Variants in SLC35F1 observed in about 807,000 individuals in gnomAD.
SLC35F1 encodes the protein chromosome 6 open reading frame 169.
A neutral mutation model predicts 48.7 loss-of-function variants in SLC35F1; 14 were observed. That is an observed-to-expected ratio of 0.29 (90% confidence interval 0.19 to 0.45). SLC35F1 has a LOEUF of 0.45. Among genes scored for constraint, SLC35F1 ranks in the 20% least tolerant of loss-of-function variants. The pLI is 1.00. For missense variants in SLC35F1, 404 were observed against 500.0 expected (o/e 0.81, Z 1.83); for synonymous variants, 190 against 202.2 (o/e 0.94, Z 0.51).
chr6:118,271,742 A>G (rs1356560661), intron 4 of SLC35F1, among the ~76,000 whole-genome samples: 1 of 152,224 alleles, frequency 6.6e-6, no homozygotes, highest in East Asian at 1.9e-4. Flanking sequence ...TTTGCAAAGC[A>G]ATTATGACTA....
intron 7 of SLC35F1, among the ~76,000 whole-genome samples, chr6:118,312,460 C>T (rs283050): frequency 0.59 from 89,621 of 151,970 alleles, 27,052 homozygotes; most frequent in African/African-American, 0.69. Flanking sequence ...GAGGCACATT[C>T]ATTTTCATTG....
intron 1 of SLC35F1, among the ~76,000 whole-genome samples, chr6:117,990,246 T>G (rs1010036395): frequency 3.3e-5 from 5 of 152,106 alleles, no homozygotes; most frequent in African/African-American, 1.2e-4. Context: ...AGCTTTAGAG[T>G]CACAGTTATT....
chr6:118,264,307 A>G (rs17079933), intron 3 of SLC35F1, among the ~76,000 whole-genome samples: 6,010 of 152,264 alleles, frequency 0.039, 411 homozygotes, highest in African/African-American at 0.14. Context: ...ATGTCTGACA[A>G]TTCATTGATT....
chr6:118,174,002 T>G (rs920426717), intron 2 of SLC35F1, among the ~76,000 whole-genome samples: 1 of 152,188 alleles, frequency 6.6e-6, no homozygotes, highest in Non-Finnish European at 1.5e-5. Context: ...AAGACAATGG[T>G]AAACTAAGTC....
At chr6:117,973,685 C>T (rs13211121) in intron 1 of SLC35F1, among the ~76,000 whole-genome samples, 52,084 of 151,952 alleles carry the variant, frequency 0.34, 9,104 homozygotes, top group Admixed American at 0.4. Context: ...CCTCAGCCTT[C>T]CCAGTACCTG....
intron 1 of SLC35F1, among the ~76,000 whole-genome samples, chr6:117,996,353 G>T (rs959556754): frequency 2.0e-5 from 3 of 152,194 alleles, no homozygotes; most frequent in Admixed American, 6.5e-5. Context: ...AACAGCTCCG[G>T]TCTACAGCTC....
chr6:118,185,071 G>A (rs886952177), intron 2 of SLC35F1, among the ~76,000 whole-genome samples: 1 of 152,114 alleles, frequency 6.6e-6, no homozygotes, highest in African/African-American at 2.4e-5. Context: ...TTTTTTTAAA[G>A]CTGCCAACAG....
chr6:118,072,105 GT>G (rs1410785135), intron 1 of SLC35F1, among the ~76,000 whole-genome samples: 1 of 152,110 alleles, frequency 6.6e-6, no homozygotes, highest in African/African-American at 2.4e-5. Context: ...CATTTTACAT[GT>G]TTTTATCTTT....
In SLC35F1 at chr6:118,198,839, C is replaced by CTTA. The variant is rs534635544; in HGVS notation, c.350-36669_350-36667dup. Among the ~76,000 whole-genome samples, 334 of 152,318 alleles carry CTTA rather than the reference C, an allele frequency of 2.2e-3. 1 individual carries two copies. The highest frequency in any genetic ancestry group is 7.6e-3 in the African/African-American group (317 of 41,570). On this transcript the variant is annotated intron_variant, in intron 2 of 7. Transcript: ENST00000360388. ...ACTCTAAACACCTTACTAATTCCTG[C>CTTA]TTAGTTTCCTACATCTGGAAGGTTT...
At chr6:118,171,031 T>G (rs1176822690) in intron 2 of SLC35F1, among the ~76,000 whole-genome samples, 1 of 152,062 alleles carries the variant, frequency 6.6e-6, no homozygotes, top group Non-Finnish European at 1.5e-5. Context: ...CTTGCTTTTT[T>G]CTTTGTTCTT....
chr6:117,988,602 G>A (rs959946695), intron 1 of SLC35F1, among the ~76,000 whole-genome samples: 7 of 152,168 alleles, frequency 4.6e-5, no homozygotes, highest in African/African-American at 1.7e-4. Context: ...TGAATATGGA[G>A]AGATGTACCA....
chr6:118,310,361 T>C (rs1298489283), intron 7 of SLC35F1, among the ~76,000 whole-genome samples: 1 of 152,176 alleles, frequency 6.6e-6, no homozygotes, highest in Non-Finnish European at 1.5e-5. Flanking sequence ...GTAGCCTAGA[T>C]TGTACAATAC....
At chr6:117,928,043 T>C (rs1776051771) in intron 1 of SLC35F1, among the ~76,000 whole-genome samples, 1 of 152,216 alleles carries the variant, frequency 6.6e-6, no homozygotes, top group Admixed American at 6.5e-5. Context: ...GGTTTCCTTC[T>C]ACTCCCATTT....
chr6:117,996,457 G>C (rs1162715293), intron 1 of SLC35F1, among the ~76,000 whole-genome samples: 1 of 152,176 alleles, frequency 6.6e-6, no homozygotes, highest in Non-Finnish European at 1.5e-5. Flanking sequence ...CTGGAGATCT[G>C]AGAACGGGCA....
chr6:117,953,034 G>T (rs1246899694), intron 1 of SLC35F1, among the ~76,000 whole-genome samples: 1 of 152,192 alleles, frequency 6.6e-6, no homozygotes, highest in East Asian at 1.9e-4. Flanking sequence ...ACTGGTCCAT[G>T]TTCATGGGCT....
intron 7 of SLC35F1, among the ~76,000 whole-genome samples, chr6:118,299,424 A>C (rs1445670783): frequency 1.3e-5 from 2 of 152,214 alleles, no homozygotes; most frequent in Admixed American, 6.5e-5. Flanking sequence ...TCAGTTTGGC[A>C]GTCAGATGAA....
chr6:118,090,559 T>C (rs934873013), intron 1 of SLC35F1, among the ~76,000 whole-genome samples: 3 of 152,152 alleles, frequency 2.0e-5, no homozygotes, highest in African/African-American at 7.2e-5. Context: ...AAATTCTGTC[T>C]ATGTAAAGGC....
In SLC35F1 at chr6:118,219,792, G is replaced by T. The variant is rs143584585; in HGVS notation, c.350-15717G>T. 2.8e-3 allele frequency among the ~76,000 whole-genome samples: 419 copies of T among 152,266 alleles called. 4 individuals carry two copies. The highest frequency in any genetic ancestry group is 9.4e-3 in the African/African-American group (390 of 41,544). On this transcript the variant is annotated intron_variant, in intron 2 of 7. Coordinates refer to ENST00000360388, the MANE Select transcript of SLC35F1 (RefSeq NM_001029858.4). Reference sequence around the variant, plus strand: ...CCAAATGTCCATCAGTGATAGACTGGATTAAGAAAATGTGGCACATATATA... The same window carrying T: ...CCAAATGTCCATCAGTGATAGACTGTATTAAGAAAATGTGGCACATATATA...
At chr6:117,908,981 A>G (rs1775731074) in intron 1 of SLC35F1, among the ~76,000 whole-genome samples, 1 of 152,238 alleles carries the variant, frequency 6.6e-6, no homozygotes. Context: ...ATGTACAGAA[A>G]TAGAATCTTG....
Sources: allele counts gnomAD v4.1 joint callset (sites outside exome capture counted in the v4.1 genomes callset), GRCh38; gene constraint gnomAD v4.1.1; transcripts MANE v1.5; gene names NCBI Gene and HGNC (gene_info 2026-07-23, HGNC 2026-07-21).